CUBN: variants seen among roughly 807,000 people sequenced by gnomAD.
The protein encoded by CUBN is cubilin.
A neutral mutation model predicts 405.3 loss-of-function variants in CUBN; 282 were observed. The ratio of observed to expected loss-of-function variants is 0.70; its 90% confidence interval spans 0.63 to 0.77. The LOEUF (loss-of-function observed/expected upper bound fraction) is 0.77, where lower values mean the gene tolerates loss of function less well. CUBN is among the 30% of genes least tolerant of loss of function. The probability of loss-of-function intolerance (pLI) is 0.00; values close to 1 mark genes in which losing one functional copy is unlikely to be tolerated. For synonymous variants in CUBN, 1,684 were observed against 1,617.0 expected, an observed-to-expected ratio of 1.04 and a Z score of -0.99; for missense variants, 4,514 against 4,475.2, an observed-to-expected ratio of 1.01 and a Z score of -0.25.
intron 17 of CUBN, among the ~76,000 whole-genome samples, chr10:17,082,009 C>A (rs1363388133): frequency 1.3e-5 from 2 of 151,980 alleles, no homozygotes; most frequent in African/African-American, 4.8e-5. Flanking sequence ...TTGGTCAAGA[C>A]TTTGAGGATA....
At chr10:17,039,647 G>T (rs146853080) in intron 27 of CUBN, among the ~76,000 whole-genome samples, 2 of 152,080 alleles carry the variant, frequency 1.3e-5, no homozygotes, top group Non-Finnish European at 2.9e-5. Context: ...TACCATCCTG[G>T]TATCATTAAG....
chr10:16,861,890 C>T (rs1218755440), intron 59 of CUBN, among the ~76,000 whole-genome samples: 2 of 152,222 alleles, frequency 1.3e-5, no homozygotes, highest in South Asian at 2.1e-4. Context: ...GTGGCTCACA[C>T]CTGTAATCCC....
intron 56 of CUBN, among the ~76,000 whole-genome samples, chr10:16,881,574 T>G (rs1376728735): frequency 6.6e-6 from 1 of 152,188 alleles, no homozygotes; most frequent in African/African-American, 2.4e-5. Flanking sequence ...CTAAACAAAT[T>G]ATGTAAGACA....
chr10:17,091,096 G>A (rs1351616584), intron 14 of CUBN, among the ~76,000 whole-genome samples: 1 of 152,124 alleles, frequency 6.6e-6, no homozygotes, highest in East Asian at 1.9e-4. Flanking sequence ...TAATGTGCAG[G>A]AAGAGCCTAG....
intron 28 of CUBN, among the ~76,000 whole-genome samples, chr10:16,997,690 G>C (rs781225653): frequency 2.0e-5 from 3 of 152,166 alleles, no homozygotes; most frequent in African/African-American, 7.2e-5. Context: ...GGGAGGGTGG[G>C]GAAGTGGACA....
chr10:17,035,948 A>G (rs1276332072), intron 27 of CUBN, among the ~76,000 whole-genome samples: 1 of 152,110 alleles, frequency 6.6e-6, no homozygotes, highest in African/African-American at 2.4e-5. Context: ...AAGTTTACCT[A>G]CATAATAAAT....
At chr10:17,073,386 GA>G (rs1009767089) in intron 17 of CUBN, among the ~76,000 whole-genome samples, 5 of 140,550 alleles carry the variant, frequency 3.6e-5, no homozygotes, top group African/African-American at 5.2e-5. Context: ...TGTTTTATTA[GA>G]AAAAAAAGGA....
At chr10:17,050,331 T>G (rs892300046) in intron 22 of CUBN, among the ~76,000 whole-genome samples, 1 of 152,240 alleles carries the variant, frequency 6.6e-6, no homozygotes, top group African/African-American at 2.4e-5. Flanking sequence ...AAACTCATGA[T>G]GTACGACTCT....
intron 59 of CUBN, among the ~76,000 whole-genome samples, chr10:16,867,035 C>CAT (rs2131363477): frequency 6.6e-6 from 1 of 152,292 alleles, no homozygotes; most frequent in East Asian, 1.9e-4. Flanking sequence ...GTACATAAAA[C>CAT]ATTGCCAAGT....
chr10:16,915,948 T>C lies in CUBN; in HGVS notation c.7083A>G (p.Leu2361=). Residue 2361 remains leucine, a synonymous_variant, in exon 46 of 67, where the codon TTA becomes TTG. Transcript: ENST00000377833. ...GCCCCTGGAGATGCCACTCACAGAA[T>C]AAGTTGTCTCTGTATGGAAGTGTTG... ...GHPTLPYRDN[L]FCEWHLQGLS... 6.2e-7 allele frequency: 1 copy of C among 1,614,134 alleles called. No individual in the cohort carries two copies. The highest frequency in any genetic ancestry group is 1.7e-5 in the Admixed American group (1 of 60,014).
chr10:16,848,735 T>C (rs1326279361), intron 60 of CUBN, among the ~76,000 whole-genome samples: 1 of 125,182 alleles, frequency 8.0e-6, no homozygotes, highest in Non-Finnish European at 1.6e-5. Context: ...AGTATCTCAC[T>C]CTGTTGCCCA....
intron 48 of CUBN, among the ~76,000 whole-genome samples, chr10:16,908,872 CT>C (rs35736503): frequency 0.019 from 2,153 of 115,386 alleles, 26 homozygotes; most frequent in African/African-American, 0.045. Context: ...GATGTCATCT[CT>C]TTTTTTTTTT....
chr10:16,961,921 C>T (rs1042825152), intron 31 of CUBN, among the ~76,000 whole-genome samples: 1 of 151,982 alleles, frequency 6.6e-6, no homozygotes, highest in Non-Finnish European at 1.5e-5. Flanking sequence ...ACCGTGTTAG[C>T]CAGGATGGTC....
At chr10:17,011,356 C>T (rs1322296565) in intron 28 of CUBN, among the ~76,000 whole-genome samples, 3 of 152,020 alleles carry the variant, frequency 2.0e-5, no homozygotes, top group African/African-American at 7.2e-5. Context: ...TTCGTGGTCT[C>T]GCTGACTTTA....
chr10:17,070,405 C>T (rs1270626335), intron 19 of CUBN, among the ~76,000 whole-genome samples: 1 of 152,004 alleles, frequency 6.6e-6, no homozygotes. Context: ...TTTAAAAGAG[C>T]CCGCTGTGAT....
intron 40 of CUBN, among the ~76,000 whole-genome samples, chr10:16,930,270 A>G (rs959508560): frequency 6.6e-5 from 10 of 152,304 alleles, no homozygotes; most frequent in South Asian, 6.2e-4. Context: ...ATTAGTATAT[A>G]CCCCTTTAAG....
rs563114115 is a variant in CUBN, at chr10:17,068,764, T to C, written c.2632A>G (p.Ser878Gly). Residue 878 changes from serine (S) to glycine (G), a missense_variant, in exon 20 of 67, where the codon AGC becomes GGC. By Grantham distance (56) the Ser-to-Gly change is moderately conservative. Coordinates refer to ENST00000377833, the MANE Select transcript of CUBN (RefSeq NM_001081.4). ...HCETDYVEIG[S>G]SSILGSPENK... ...TCAGGAGAACCCAAAATGGAACTGCTACCAATCTAAAATTAGAGAAGATAT... is the reference window on the plus strand; with the variant it reads ...TCAGGAGAACCCAAAATGGAACTGCCACCAATCTAAAATTAGAGAAGATAT... 1.3e-4 allele frequency: 208 copies of C among 1,609,932 alleles called. 4 individuals are homozygous for C. In the South Asian group the frequency reaches 2.2e-3, roughly 17 times the overall value.
At chr10:16,837,796 A>C (rs1275014564) in intron 62 of CUBN, among the ~76,000 whole-genome samples, 1 of 152,010 alleles carries the variant, frequency 6.6e-6, no homozygotes, top group Middle Eastern at 3.4e-3. Context: ...CCAGTCCGAA[A>C]CCCTTGATTG....
chr10:16,966,368 G>A (rs1208064590), intron 31 of CUBN, among the ~76,000 whole-genome samples: 1 of 152,126 alleles, frequency 6.6e-6, no homozygotes, highest in Non-Finnish European at 1.5e-5. Context: ...CAGATATAAA[G>A]CTCCTCCTTG....
Sources: gnomAD v4.1 joint callset for allele counts (sites outside exome capture counted in the v4.1 genomes callset) on GRCh38, gnomAD v4.1.1 for gene constraint, MANE v1.5 for transcripts, NCBI Gene and HGNC (gene_info 2026-07-23, HGNC 2026-07-21) for gene names.